CLASP1: variants seen among roughly 807,000 people sequenced by gnomAD.
The protein encoded by CLASP1 is cytoplasmic linker associated protein 1.
CLASP1 carries 38 observed loss-of-function variants against 192.3 expected under a neutral mutation model. The observed-to-expected ratio is 0.20, with a 90% CI of 0.15 to 0.26. The LOEUF (loss-of-function observed/expected upper bound fraction) is 0.26. Among genes scored for constraint, CLASP1 ranks in the 10% least tolerant of loss-of-function variants. The pLI, the probability that CLASP1 is intolerant of heterozygous loss-of-function variation, is 1.00. For missense variants in CLASP1, 1,433 were observed against 1,932.5 expected, an observed-to-expected ratio of 0.74 and a Z score of 4.85; for synonymous variants, 691 against 712.8, an observed-to-expected ratio of 0.97 and a Z score of 0.49.
At chr2:121,366,736 A>G (rs2067482013) in intron 35 of CLASP1, among the ~76,000 whole-genome samples, 1 of 152,270 alleles carries the variant, frequency 6.6e-6, no homozygotes, top group African/African-American at 2.4e-5. Context: ...AAACTTGAGA[A>G]ATAAAACAGG....
At position 121,498,005 on chromosome 2, in the gene CLASP1, G is replaced by A. The variant is rs111605379; in HGVS notation, c.712+5162C>T. 1.4e-4 allele frequency among the ~76,000 whole-genome samples: 22 copies of A among 151,930 alleles called. 1 individual carries two copies. The highest frequency in any genetic ancestry group is 3.4e-4 in the African/African-American group (14 of 41,428). On this transcript the variant is annotated intron_variant, in intron 8 of 39. Coordinates refer to ENST00000263710, the Ensembl canonical transcript of CLASP1. ...CTCCCAAAGTGCTGGGATTACAGGCGCACACCGCCACGCCCAGCTAATTTT... is the reference window on the plus strand; with the variant it reads ...CTCCCAAAGTGCTGGGATTACAGGCACACACCGCCACGCCCAGCTAATTTT...
chr2:121,449,164 A>C, intron 16 of CLASP1, 44 bp from the exon 17 acceptor site: 1 of 1,581,728 alleles, frequency 6.3e-7, no homozygotes, highest in Admixed American at 1.7e-5. Context: ...AAGGATCCAA[A>C]CAGGTCTTTT....
intron 8 of CLASP1, among the ~76,000 whole-genome samples, chr2:121,487,835 C>T (rs555567576): frequency 1.3e-5 from 2 of 152,354 alleles, no homozygotes; most frequent in East Asian, 3.9e-4. Context: ...TCTCCATTTA[C>T]ACACTTTTCA....
intron 37 of CLASP1, among the ~76,000 whole-genome samples, chr2:121,359,394 T>C (rs1257048317): frequency 6.6e-6 from 1 of 152,228 alleles, no homozygotes. Flanking sequence ...CCTCAAGATT[T>C]TTATCTCACA....
At chr2:121,400,755 A>G (rs997137615) in intron 28 of CLASP1, among the ~76,000 whole-genome samples, 2 of 152,204 alleles carry the variant, frequency 1.3e-5, no homozygotes, top group Non-Finnish European at 2.9e-5. Flanking sequence ...GTAACTTATA[A>G]AAGTCATTGC....
At chr2:121,418,577 G>A in intron 23 of CLASP1, 45 bp downstream of exon 23, 1 of 1,349,634 alleles carries the variant, frequency 7.4e-7, no homozygotes, top group Non-Finnish European at 1.1e-6. Flanking sequence ...GGACAAGCAG[G>A]GAAAGGAACT....
chr2:121,385,185 T>A (rs967402873), intron 32 of CLASP1, among the ~76,000 whole-genome samples: 2 of 152,232 alleles, frequency 1.3e-5, no homozygotes, highest in Non-Finnish European at 2.9e-5. Flanking sequence ...TCTAGTGACA[T>A]GATAACATGA....
intron 37 of CLASP1, among the ~76,000 whole-genome samples, chr2:121,355,669 TG>T (rs1490755012): frequency 2.0e-5 from 3 of 152,214 alleles, no homozygotes; most frequent in Non-Finnish European, 2.9e-5. Flanking sequence ...GTTTTGCCCC[TG>T]TGTTCTATGT....
intron 1 of CLASP1, among the ~76,000 whole-genome samples, chr2:121,634,426 C>T (rs918038413): frequency 6.6e-6 from 1 of 152,028 alleles, no homozygotes; most frequent in African/African-American, 2.4e-5. Flanking sequence ...TTGTGTACAC[C>T]CTTTCTGCAT....
chr2:121,483,172 C>G (rs940318020), intron 8 of CLASP1, among the ~76,000 whole-genome samples: 2 of 152,134 alleles, frequency 1.3e-5, no homozygotes, highest in Admixed American at 1.3e-4. Context: ...TGCCCCTCTT[C>G]CCCCTCCCCG....
At chr2:121,341,701 C>T (rs1190994301) in intron 39 of CLASP1, among the ~76,000 whole-genome samples, 1 of 152,148 alleles carries the variant, frequency 6.6e-6, no homozygotes, top group Non-Finnish European at 1.5e-5. Flanking sequence ...TTCGATACTC[C>T]ACCCTCAATA....
intron 12 of CLASP1, among the ~76,000 whole-genome samples, chr2:121,459,386 A>T (rs1238633753): frequency 1.3e-5 from 2 of 152,108 alleles, no homozygotes; most frequent in Non-Finnish European, 2.9e-5. Flanking sequence ...CAAATATGAA[A>T]AAGCACCCTT....
chr2:121,553,048 G>A (rs1264762817), intron 2 of CLASP1, among the ~76,000 whole-genome samples: 2 of 152,238 alleles, frequency 1.3e-5, no homozygotes, highest in African/African-American at 2.4e-5. Context: ...TGGGAACATG[G>A]ATGGAGCTGG....
At chr2:121,465,176 T>C (rs932455897) in intron 9 of CLASP1, among the ~76,000 whole-genome samples, 6 of 152,020 alleles carry the variant, frequency 3.9e-5, no homozygotes, top group African/African-American at 1.2e-4. Flanking sequence ...CCAGGGCAAT[T>C]AGGCAGGAGA....
intron 1 of CLASP1, among the ~76,000 whole-genome samples, chr2:121,630,144 T>G (rs2069216892): frequency 6.6e-6 from 1 of 152,012 alleles, no homozygotes; most frequent in Non-Finnish European, 1.5e-5. Flanking sequence ...GGTCTCAAAC[T>G]CCTGACCTCA....
intron 2 of CLASP1, among the ~76,000 whole-genome samples, chr2:121,556,138 C>T (rs886368013): frequency 6.6e-6 from 1 of 151,764 alleles, no homozygotes; most frequent in Admixed American, 6.6e-5. Flanking sequence ...CACACACCAC[C>T]ACGCCTAGCT....
chr2:121,340,273 G>C (rs1432141037), exon 40 of CLASP1: 3 of 152,408 alleles, frequency 2.0e-5, no homozygotes, highest in Non-Finnish European at 4.4e-5. Flanking sequence ...CTCCAGTCTG[G>C]ATATGACAAG....
intron 9 of CLASP1, among the ~76,000 whole-genome samples, chr2:121,468,722 T>A (rs1484069422): frequency 6.6e-6 from 1 of 152,082 alleles, no homozygotes; most frequent in African/African-American, 2.4e-5. Flanking sequence ...CATCTGCAAA[T>A]AAAGATAGTT....
intron 8 of CLASP1, among the ~76,000 whole-genome samples, chr2:121,475,382 G>A (rs1053861506): frequency 6.6e-6 from 1 of 152,158 alleles, no homozygotes; most frequent in Non-Finnish European, 1.5e-5. Flanking sequence ...TTTAAAAGGA[G>A]GCTGGGTCAT....
Sources: gnomAD v4.1 joint callset for allele counts (sites outside exome capture counted in the v4.1 genomes callset) on GRCh38, gnomAD v4.1.1 for gene constraint, MANE v1.5 for transcripts, NCBI Gene and HGNC (gene_info 2026-07-23, HGNC 2026-07-21) for gene names.